Variants in SCARF2 observed in about 807,000 individuals in gnomAD.
SCARF2 encodes scavenger receptor expressed by endothelial cells 2 protein.
A neutral mutation model predicts 73.4 loss-of-function variants in SCARF2; 39 were observed. That is an observed-to-expected ratio of 0.53 (90% CI 0.41 to 0.69). The LOEUF is 0.69. Ranked by LOEUF, SCARF2 falls within the 30% of genes least tolerant of loss-of-function variation. The pLI, the probability that SCARF2 is intolerant of heterozygous loss-of-function variation, is 0.00. For missense variants in SCARF2, 1,148 were observed against 1,303.5 expected, an observed-to-expected ratio of 0.88 and a Z score of 1.84; for synonymous variants, 605 against 590.0, an observed-to-expected ratio of 1.03 and a Z score of -0.37.
chr22:20,425,935 G>A lies in SCARF2; in HGVS notation c.2041C>T (p.Pro681Ser), dbSNP rs1569105469. The A allele has an allele frequency of 2.5e-6, 4 of 1,595,888 alleles. No individual in the cohort carries two copies. The highest frequency in any genetic ancestry group is 3.4e-6 in the Non-Finnish European group (4 of 1,174,842). ...TCGGAGCCTGGCGGCGGTGGTGAGG[G>A]CGCACGGCCAGCTGCAGCGGCGCTG... ...KHSAAAAGRA[P>S]SPPPPGSEAA... The change falls in exon 11 of 11, where the codon CCC becomes TCC. Residue 681 changes from proline (P) to serine (S), a missense_variant. Coordinates refer to ENST00000622235, the MANE Select transcript of SCARF2 (RefSeq NM_182895.5). The surrounding 1 kb of genome is among the most constrained non-coding windows in gnomAD (Gnocchi z 4.6).
chr22:20,431,408 G>T lies in SCARF2; in HGVS notation c.464C>A (p.Ala155Glu). 6.5e-7 allele frequency: 1 copy of T among 1,537,080 alleles called. No homozygotes were observed. The highest frequency in any genetic ancestry group is 1.2e-5 in the South Asian group (1 of 84,392). Residue 155 changes from alanine (A) to glutamate (E), a missense_variant, in exon 4 of 11, where the codon GCG becomes GAG. Ala to Glu is a moderately radical substitution (Grantham distance 107). Transcript: ENST00000622235. ...ARRWGARCEH[A>E]CQCQHGTCHP... ...GCACGTGCCGTGCTGGCACTGGCAC[G>T]CATGCTCGCAGCGCGCGCCCCAGCG...
chr22:20,432,948 C>T (rs1329822271), intron 1 of SCARF2, among the ~76,000 whole-genome samples: 4 of 152,202 alleles, frequency 2.6e-5, no homozygotes, highest in African/African-American at 7.2e-5. Context: ...GAACTCTGAC[C>T]TCAGGTGATC....
chr22:20,435,705 TCTC>T (rs1310420659), intron 1 of SCARF2, among the ~76,000 whole-genome samples: 4 of 152,086 alleles, frequency 2.6e-5, no homozygotes, highest in African/African-American at 9.7e-5. Flanking sequence ...TCTCAGCCGT[TCTC>T]CTCAGAACAC....
intron 6 of SCARF2, among the ~76,000 whole-genome samples, chr22:20,430,201 C>G (rs1355482033): frequency 4.6e-5 from 7 of 152,208 alleles, no homozygotes; most frequent in African/African-American, 1.7e-4. Flanking sequence ...ACCTTAAGAG[C>G]CCACTGACAC....
intron 9 of SCARF2, among the ~76,000 whole-genome samples, chr22:20,428,219 C>T (rs1370184482): frequency 6.9e-6 from 1 of 144,328 alleles, no homozygotes; most frequent in Admixed American, 6.9e-5. Context: ...CTCCTCCCTC[C>T]CTCCCTCCCT....
rs1270769849 is a variant in SCARF2, at chr22:20,437,677, C to T, written c.78G>A (p.Pro26=). 3 of 1,490,666 alleles carry T rather than the reference C, an allele frequency of 2.0e-6. No individual in the cohort carries two copies. The highest frequency in any genetic ancestry group is 2.9e-5 in the African/African-American group (2 of 68,582). 92.3% of individuals were successfully genotyped at this position (1,490,666 alleles called of 1,614,324 possible). ...GAGGPPSPLL[P]SLLLLLLLWM... ...AGAGCAGCAGCAGCAGCAGCAGCGACGGCAGCAGCGGTGACGGCGGCCCCC... is the reference window on the plus strand; with the variant it reads ...AGAGCAGCAGCAGCAGCAGCAGCGATGGCAGCAGCGGTGACGGCGGCCCCC... The change falls in exon 1 of 11, where the codon CCG becomes CCA. Residue 26 remains proline, a synonymous_variant. Transcript: ENST00000622235.
Position 20,429,448 on chromosome 22 carries a change from G to C in SCARF2, c.1424+88C>G, listed in dbSNP as rs1036476321. ...AAGGGGCGGGGCCACGTCCGGGGCA[G>C]GGGCGCGGAAGGGTTGGATCTGGGT... On this transcript the variant is annotated intron_variant, in intron 8 of 10. Transcript: ENST00000622235. The surrounding 1 kb of genome is among the most constrained non-coding windows in gnomAD (Gnocchi z 5.2). 31 of 1,573,718 alleles carry C rather than the reference G, an allele frequency of 2.0e-5. No homozygotes were observed. The African/African-American group carries it at 3.9e-4, about 20-fold the overall frequency.
At chr22:20,430,226 A>G (rs1343048451) in intron 6 of SCARF2, among the ~76,000 whole-genome samples, 3 of 152,190 alleles carry the variant, frequency 2.0e-5, no homozygotes, top group Non-Finnish European at 4.4e-5. Flanking sequence ...TGGACTGGTC[A>G]CCAGATCCTG....
At position 20,424,759 on chromosome 22, in the gene SCARF2, CA is replaced by C; in HGVS notation, c.*615del. On this transcript the variant is annotated 3_prime_UTR_variant, in exon 11 of 11. Transcript: ENST00000622235. ...GGCGTGTGGGGCAGTGGGAGGCCAT[CA>C]AAACCAGCTGACAGCTGAGGGGCCT... is the stretch of plus-strand genomic sequence containing the variant. 6.5e-6 allele frequency: 1 copy of C among 152,962 alleles called. No individual in the cohort carries two copies. The highest frequency in any genetic ancestry group is 1.5e-5 in the Non-Finnish European group (1 of 68,574). 9.5% of individuals were successfully genotyped at this position (152,962 alleles called of 1,614,324 possible). A position where few individuals can be genotyped will look rare whatever the true frequency, so the allele number is the denominator to read the frequency against.
At chr22:20,434,496 C>A (rs1221399735) in intron 1 of SCARF2, among the ~76,000 whole-genome samples, 1 of 152,222 alleles carries the variant, frequency 6.6e-6, no homozygotes, top group Non-Finnish European at 1.5e-5. Context: ...CTAATGCCCA[C>A]CAGCAGGACA....
chr22:20,427,409 A>G lies in SCARF2; in HGVS notation c.1682T>C (p.Val561Ala). Residue 561 changes from valine to alanine, a missense_variant, in exon 10 of 11, where the codon GTA becomes GCA. By Grantham distance (64) the Val-to-Ala change is moderately conservative. Around this residue, in one of 5 missense-constraint regions of SCARF2, gnomAD observed 437 missense variants for 433.6 expected, o/e 1.01. Transcript: ENST00000622235. ...AGGGCCTTACTTACCCTCATGGGGT[A>G]CACAGTACACAGGGCCTTCATCAGT... is the stretch of plus-strand genomic sequence containing the variant. Reference protein sequence around the residue: ...DTTDEGPVYCVPHEEAPAESR... With the variant: ...DTTDEGPVYCAPHEEAPAESR... 1 of 1,614,194 alleles carries G rather than the reference A, an allele frequency of 6.2e-7. No individual in the cohort carries two copies. Among genetic ancestry groups the G allele is most frequent in the Non-Finnish European group, 8.5e-7 (1 of 1,180,022 alleles).
intron 10 of SCARF2, 140 bp from the exon 11 acceptor site, chr22:20,426,422 CAG>C (rs1339216667): frequency 9.1e-6 from 8 of 883,524 alleles, no homozygotes; most frequent in Non-Finnish European, 1.2e-5. Flanking sequence ...GTGCCTGGCA[CAG>C]AGCACCAACC....
chr22:20,437,608 G>C lies in SCARF2; in HGVS notation c.147C>G (p.Arg49=). The C allele has an allele frequency of 6.4e-7, 1 of 1,572,500 alleles. No homozygotes were observed. Among genetic ancestry groups the C allele is most frequent in the Non-Finnish European group, 8.6e-7 (1 of 1,166,562 alleles). Residue 49 remains arginine (R), a synonymous_variant, in exon 1 of 11, where the codon CGC becomes CGG. Transcript: ENST00000622235. ...DTVAPQELNP[R]GRNVCRAPGS... is the part of the protein sequence containing the mutation. ...CGGGAGCACGGCACACGTTGCGGCC[G>C]CGAGGGTTCAGTTCCTGAGGCGCCA... is the stretch of plus-strand genomic sequence containing the variant.
rs1490554118 is a variant in SCARF2, at chr22:20,425,816, C to G, written c.2160G>C (p.Thr720=). ...CCTCGGGCAGCCCGGGGGGCCGCGG[C>G]GTTGGGTCGCGGGTCCGGGGGCTGC... ...EHGSPRTRDP[T]PRPPGLPEEA... is the part of the protein sequence containing the mutation. The change falls in exon 11 of 11, where the codon ACG becomes ACC. Residue 720 remains threonine (T), a synonymous_variant. Transcript: ENST00000622235. The surrounding 1 kb of genome is among the most constrained non-coding windows in gnomAD (Gnocchi z 4.6). 1 of 1,540,412 alleles carries G rather than the reference C, an allele frequency of 6.5e-7. No individual in the cohort carries two copies. The highest frequency in any genetic ancestry group is 1.9e-5 in the Admixed American group (1 of 52,324).
chr22:20,430,262 CA>C (rs777859879), intron 6 of SCARF2, among the ~76,000 whole-genome samples, 166 bp downstream of exon 6: 1 of 152,248 alleles, frequency 6.6e-6, no homozygotes, highest in South Asian at 2.1e-4. Context: ...CCCCGACATC[CA>C]GGCAGGAAAC....
chr22:20,432,831 C>T (rs1426836199), intron 1 of SCARF2, among the ~76,000 whole-genome samples: 1 of 152,246 alleles, frequency 6.6e-6, no homozygotes, highest in Non-Finnish European at 1.5e-5. Flanking sequence ...ATTCTCCTGC[C>T]TCAAACCTCT....
intron 10 of SCARF2, among the ~76,000 whole-genome samples, chr22:20,426,800 G>A (rs927657056): frequency 3.3e-5 from 5 of 152,228 alleles, no homozygotes; most frequent in South Asian, 4.1e-4. Context: ...GGTCGTGGGC[G>A]CCTGTAATCC....
Position 20,425,361 on chromosome 22 carries a change from C to A in SCARF2, c.*14G>T. ...CGAAGCTGAGGGAGCTGCGCGCGGACGAGCCACAGCCTGCTACAGGGTGGG... is the reference window on the plus strand; with the variant it reads ...CGAAGCTGAGGGAGCTGCGCGCGGAAGAGCCACAGCCTGCTACAGGGTGGG... On this transcript the variant is annotated 3_prime_UTR_variant, in exon 11 of 11. Coordinates refer to ENST00000622235, the MANE Select transcript of SCARF2 (RefSeq NM_182895.5). This position sits in a 1 kb window ranked among gnomAD's most constrained non-coding sequence, Gnocchi z 4.6. 7.9e-6 allele frequency: 11 copies of A among 1,385,032 alleles called. No individual in the cohort carries two copies. The highest frequency in any genetic ancestry group is 1.6e-5 in the South Asian group (1 of 64,424). The allele number at this position is 1,385,032 out of a possible 1,614,324, so 85.8% of individuals were successfully genotyped here.
intron 1 of SCARF2, among the ~76,000 whole-genome samples, chr22:20,433,364 A>AG (rs745813101): frequency 7.9e-5 from 12 of 152,214 alleles, no homozygotes; most frequent in Non-Finnish European, 1.3e-4. Flanking sequence ...CTTCACAAGC[A>AG]GGCTTGGATT....
Sources: gnomAD v4.1 joint callset for allele counts (sites outside exome capture counted in the v4.1 genomes callset) on GRCh38, gnomAD v4.1.1 for gene constraint, gnomAD v4.1.1 regional missense constraint, Gnocchi (gnomAD v3.1) non-coding constraint, MANE v1.5 for transcripts, NCBI Gene and HGNC (gene_info 2026-07-23, HGNC 2026-07-21) for gene names.